The following DIAPH3 variants were observed in gnomAD, a reference collection of about 807,000 sequenced individuals.
DIAPH3 encodes the protein protein diaphanous homolog 3.
DIAPH3 carries 117 observed loss-of-function variants against 144.3 expected under a neutral mutation model. The observed-to-expected ratio is 0.81, with a 90% CI of 0.70 to 0.95. The LOEUF is 0.95. DIAPH3 is among the 40% of genes least tolerant of loss of function. The pLI is 0.00. For synonymous variants in DIAPH3, 519 were observed against 488.9 expected, an observed-to-expected ratio of 1.06 and a Z score of -0.81; for missense variants, 1,421 against 1,412.7, an observed-to-expected ratio of 1.01 and a Z score of -0.09.
At chr13:59,734,297 C>A (rs2036030991) in intron 27 of DIAPH3, among the ~76,000 whole-genome samples, 1 of 151,986 alleles carries the variant, frequency 6.6e-6, no homozygotes, top group Non-Finnish European at 1.5e-5. Flanking sequence ...TTATGGATAA[C>A]AGAGTACTGA....
At chr13:59,694,496 G>T (rs541095610) in intron 27 of DIAPH3, among the ~76,000 whole-genome samples, 2 of 152,044 alleles carry the variant, frequency 1.3e-5, no homozygotes, top group African/African-American at 4.8e-5. Context: ...GTCTTAGTTG[G>T]GTACTTCAAC....
chr13:59,827,169 A>G (rs1256934707), intron 24 of DIAPH3, among the ~76,000 whole-genome samples: 1 of 152,102 alleles, frequency 6.6e-6, no homozygotes, highest in Non-Finnish European at 1.5e-5. Flanking sequence ...AACAAAAGCC[A>G]AAATTGACAA....
intron 7 of DIAPH3, among the ~76,000 whole-genome samples, chr13:60,014,755 AT>A (rs930821524): frequency 6.6e-6 from 1 of 152,064 alleles, no homozygotes; most frequent in African/African-American, 2.4e-5. Flanking sequence ...CACAGGTAAA[AT>A]TTCCCCCCCT....
In DIAPH3 at chr13:59,782,039, A is replaced by C. The variant is rs540084668; in HGVS notation, c.3164-7216T>G. 2.0e-5 allele frequency among the ~76,000 whole-genome samples: 3 copies of C among 152,296 alleles called. No homozygotes were observed. In the South Asian group the frequency reaches 6.2e-4, roughly 32 times the overall value. ...CAGCCTTCAGAACTGCAAGAAATAA[A>C]TTTCTGTTGTTTATAAATTACCCAG... On this transcript the variant is annotated intron_variant, in intron 25 of 27. Transcript: ENST00000400324.
At chr13:59,913,797 AAAATACAAAAATT>A (rs2047101581) in intron 19 of DIAPH3, among the ~76,000 whole-genome samples, 1 of 152,064 alleles carries the variant, frequency 6.6e-6, no homozygotes, top group Non-Finnish European at 1.5e-5. Context: ...ATTTCTACTA[AAAATACAAAAATT>A]AGCTGGGAGT....
chr13:59,776,230 A>G (rs940057104), intron 25 of DIAPH3, among the ~76,000 whole-genome samples: 4 of 152,226 alleles, frequency 2.6e-5, no homozygotes, highest in Non-Finnish European at 4.4e-5. Context: ...ATAAATATGT[A>G]TCAGCCCCTT....
chr13:59,970,798 C>A, intron 16 of DIAPH3, 54 bp downstream of exon 16: 1 of 1,488,750 alleles, frequency 6.7e-7, no homozygotes, highest in Non-Finnish European at 9.1e-7. Flanking sequence ...TATATAAATC[C>A]AAAATTAGAT....
chr13:60,109,689 T>C (rs147177036), intron 3 of DIAPH3, among the ~76,000 whole-genome samples: 33 of 152,150 alleles, frequency 2.2e-4, no homozygotes, highest in African/African-American at 7.7e-4. Context: ...AGAAGAAAAA[T>C]AAGCTCAGAG....
At chr13:59,994,508 C>T (rs901840344) in intron 9 of DIAPH3, among the ~76,000 whole-genome samples, 5 of 151,868 alleles carry the variant, frequency 3.3e-5, no homozygotes, top group African/African-American at 9.7e-5. Flanking sequence ...GTTAACAGGA[C>T]ATTTTGCCTG....
intron 27 of DIAPH3, among the ~76,000 whole-genome samples, chr13:59,691,215 T>C (rs1385867267): frequency 6.6e-6 from 1 of 152,186 alleles, no homozygotes; most frequent in East Asian, 1.9e-4. Context: ...TCTTATCTTA[T>C]CTTTTTGGAT....
At chr13:60,022,062 T>C (rs1353907025) in intron 5 of DIAPH3, among the ~76,000 whole-genome samples, 1 of 152,222 alleles carries the variant, frequency 6.6e-6, no homozygotes, top group Non-Finnish European at 1.5e-5. Context: ...ACAAGTACAT[T>C]GCTAGTACAT....
intron 7 of DIAPH3, among the ~76,000 whole-genome samples, chr13:60,011,315 G>A (rs2053247233): frequency 6.6e-6 from 1 of 152,048 alleles, no homozygotes; most frequent in Non-Finnish European, 1.5e-5. Flanking sequence ...AGCCAGATAC[G>A]GAACCAGACA....
At chr13:59,966,347 T>G (rs2050050978) in intron 17 of DIAPH3, among the ~76,000 whole-genome samples, 1 of 152,122 alleles carries the variant, frequency 6.6e-6, no homozygotes, top group Middle Eastern at 3.4e-3. Flanking sequence ...AATATCTTGG[T>G]AATATGTAAA....
intron 22 of DIAPH3, among the ~76,000 whole-genome samples, chr13:59,848,431 G>A (rs2042786000): frequency 6.6e-6 from 1 of 150,612 alleles, no homozygotes. Flanking sequence ...TCGTCATCTA[G>A]CCTTAGGTAT....
At chr13:59,799,962 GATTAAT>G (rs368977794) in intron 25 of DIAPH3, among the ~76,000 whole-genome samples, 6 of 152,172 alleles carry the variant, frequency 3.9e-5, no homozygotes, top group Admixed American at 1.3e-4. Context: ...CTTTATTAAA[GATTAAT>G]ATTGAGTATC....
intron 25 of DIAPH3, among the ~76,000 whole-genome samples, chr13:59,778,925 A>G (rs1173486423): frequency 6.6e-6 from 1 of 152,058 alleles, no homozygotes; most frequent in Non-Finnish European, 1.5e-5. Flanking sequence ...TTTCATTTTT[A>G]TTTTTAATTT....
intron 4 of DIAPH3, among the ~76,000 whole-genome samples, chr13:60,046,980 TG>T (rs974511547): frequency 6.7e-6 from 1 of 149,584 alleles, no homozygotes; most frequent in Non-Finnish European, 1.5e-5. Context: ...TTCGGGGGGT[TG>T]GGGGGCTAAG....
intron 17 of DIAPH3, among the ~76,000 whole-genome samples, chr13:59,967,658 A>C (rs1045216627): frequency 3.3e-5 from 5 of 152,214 alleles, no homozygotes; most frequent in African/African-American, 9.6e-5. Context: ...AGTGTTTTAC[A>C]TGTAAATACA....
intron 22 of DIAPH3, among the ~76,000 whole-genome samples, chr13:59,850,984 C>T (rs543702788): frequency 8.3e-4 from 122 of 147,438 alleles, no homozygotes; most frequent in African/African-American, 2.8e-3. Flanking sequence ...TGAAACTATT[C>T]CAATCAATAG....
Sources: gnomAD v4.1 joint callset for allele counts (sites outside exome capture counted in the v4.1 genomes callset) on GRCh38, gnomAD v4.1.1 for gene constraint, MANE v1.5 for transcripts, NCBI Gene and HGNC (gene_info 2026-07-23, HGNC 2026-07-21) for gene names.